AP2B1: variants seen among roughly 807,000 people sequenced by gnomAD.
The protein encoded by AP2B1 is adaptor related protein complex 2 subunit beta 1.
A neutral mutation model predicts 102.0 loss-of-function variants in AP2B1; 23 were observed. The ratio of observed to expected loss-of-function variants is 0.23; its 90% CI spans 0.16 to 0.32. The LOEUF is 0.32. Among genes scored for constraint, AP2B1 ranks in the 10% least tolerant of loss-of-function variants. The pLI, the probability that AP2B1 is intolerant of heterozygous loss-of-function variation, is 1.00. For synonymous variants in AP2B1, 381 were observed against 421.2 expected, an observed-to-expected ratio of 0.90 and a Z score of 1.17; for missense variants, 541 against 1,157.4, an observed-to-expected ratio of 0.47 and a Z score of 7.73.
intron 5 of AP2B1, among the ~76,000 whole-genome samples, chr17:35,612,880 GCACACA>G (rs55739970): frequency 0.1 from 14,348 of 143,884 alleles, 848 homozygotes; most frequent in Non-Finnish European, 0.13. Flanking sequence ...GTGTATGTGC[GCACACA>G]CACACACACA....
chr17:35,706,086 A>G (rs1356376917), intron 18 of AP2B1, among the ~76,000 whole-genome samples: 1 of 152,176 alleles, frequency 6.6e-6, no homozygotes, highest in African/African-American at 2.4e-5. Context: ...AGCTCCTCAG[A>G]AAATTGTTCT....
chr17:35,708,350 G>A (rs959223951), intron 18 of AP2B1, among the ~76,000 whole-genome samples: 3 of 152,042 alleles, frequency 2.0e-5, no homozygotes, highest in Non-Finnish European at 4.4e-5. Context: ...CAGTATAAGG[G>A]CCTTATGATG....
intron 18 of AP2B1, among the ~76,000 whole-genome samples, chr17:35,701,882 A>G (rs6505493): frequency 0.48 from 73,066 of 152,060 alleles, 17,624 homozygotes; most frequent in East Asian, 0.52. Flanking sequence ...TTGGTCTCCC[A>G]TAGTGCTGGG....
At chr17:35,708,363 C>T (rs991718742) in intron 18 of AP2B1, among the ~76,000 whole-genome samples, 1 of 152,010 alleles carries the variant, frequency 6.6e-6, no homozygotes, top group South Asian at 2.1e-4. Flanking sequence ...TTATGATGTG[C>T]TGCTGTGCAA....
intron 14 of AP2B1, among the ~76,000 whole-genome samples, chr17:35,664,733 A>G (rs1282063432): frequency 6.6e-6 from 1 of 152,234 alleles, no homozygotes; most frequent in Non-Finnish European, 1.5e-5. Flanking sequence ...CTTACGAAAC[A>G]GTCCTTGGAA....
At chr17:35,614,295 TCAAA>T (rs1380928280) in intron 5 of AP2B1, among the ~76,000 whole-genome samples, 3 of 152,174 alleles carry the variant, frequency 2.0e-5, no homozygotes, top group East Asian at 1.9e-4. Context: ...ACTCCTGGGC[TCAAA>T]CAGTCTTCCC....
chr17:35,634,817 C>T (rs2074560118), intron 9 of AP2B1, among the ~76,000 whole-genome samples: 2 of 152,164 alleles, frequency 1.3e-5, no homozygotes, highest in African/African-American at 4.8e-5. Context: ...GATTTCATTT[C>T]AGTAGGTTTA....
chr17:35,710,623 A>AG (rs587636393), intron 20 of AP2B1, among the ~76,000 whole-genome samples: 54 of 152,356 alleles, frequency 3.5e-4, no homozygotes, highest in African/African-American at 1.2e-3. Flanking sequence ...CAAAAACTGA[A>AG]GTGGCACTTG....
intron 1 of AP2B1, among the ~76,000 whole-genome samples, chr17:35,591,537 G>A (rs1347112189): frequency 1.2e-4 from 18 of 152,196 alleles, no homozygotes; most frequent in Admixed American, 1.1e-3. Context: ...AAATTCTAAG[G>A]AGGTTTTGTT....
intron 12 of AP2B1, among the ~76,000 whole-genome samples, chr17:35,646,447 C>T (rs1047823396): frequency 1.3e-5 from 2 of 151,996 alleles, no homozygotes; most frequent in Admixed American, 1.3e-4. Context: ...GATTTGCACT[C>T]ATTTCTCATA....
chr17:35,698,070 GA>G lies in AP2B1; in HGVS notation c.2455-11146del, dbSNP rs1027537095. On this transcript the variant is annotated intron_variant, in intron 18 of 21. Coordinates refer to ENST00000610402, the MANE Select transcript of AP2B1 (RefSeq NM_001030006.2). ...CAAAACAGTCTTTTGCCTTTAAATG[GA>G]AAAAAAAGTTTTTAAAAAAGGGTAG... Among the ~76,000 whole-genome samples, 6 of 151,920 alleles carry G rather than the reference GA, an allele frequency of 3.9e-5. No individual in the cohort carries two copies. The East Asian group carries it at 5.8e-4, about 15-fold the overall frequency.
intron 20 of AP2B1, among the ~76,000 whole-genome samples, chr17:35,711,478 C>A (rs1161859787): frequency 6.7e-6 from 1 of 148,626 alleles, no homozygotes; most frequent in Non-Finnish European, 1.5e-5. Context: ...CCACCCCACT[C>A]CCCGGCCCAA....
chr17:35,628,684 T>C (rs545212240), intron 9 of AP2B1, among the ~76,000 whole-genome samples: 27 of 152,332 alleles, frequency 1.8e-4, no homozygotes, highest in African/African-American at 5.5e-4. Context: ...AGACTTTTTC[T>C]GTTAACTATC....
chr17:35,688,155 A>C (rs2075973285), intron 18 of AP2B1, among the ~76,000 whole-genome samples: 1 of 152,080 alleles, frequency 6.6e-6, no homozygotes, highest in Admixed American at 6.5e-5. Context: ...TCTCCTACTC[A>C]GGATCTCCTG....
At chr17:35,607,717 T>C (rs1301548689) in intron 4 of AP2B1, 1 of 154,052 alleles carries the variant, frequency 6.5e-6, no homozygotes, top group Non-Finnish European at 1.4e-5. Flanking sequence ...CTAGCTCTCT[T>C]TTCTATTTGA....
chr17:35,690,677 A>C (rs1377018534), intron 18 of AP2B1, among the ~76,000 whole-genome samples: 1 of 152,164 alleles, frequency 6.6e-6, no homozygotes, highest in Non-Finnish European at 1.5e-5. Flanking sequence ...TACCAGTCCT[A>C]AGCCTTTGAG....
chr17:35,718,721 T>G (rs587757538), intron 21 of AP2B1, among the ~76,000 whole-genome samples: 1 of 151,986 alleles, frequency 6.6e-6, no homozygotes, highest in South Asian at 2.1e-4. Flanking sequence ...AATAACTCCA[T>G]TTACTCTCTA....
chr17:35,636,537 T>C (rs2074611474), intron 10 of AP2B1, 81 bp downstream of exon 10: 3 of 1,046,130 alleles, frequency 2.9e-6, no homozygotes, highest in Non-Finnish European at 4.4e-6. Context: ...TAGGTAAGAA[T>C]TACTCTTTTG....
intron 18 of AP2B1, among the ~76,000 whole-genome samples, chr17:35,705,037 A>C (rs28379178): frequency 1.3e-5 from 2 of 152,220 alleles, no homozygotes; most frequent in South Asian, 2.1e-4. Flanking sequence ...TCTCAAAAAA[A>C]GAAAAAAGAA....
Sources: gnomAD v4.1 joint callset for allele counts (sites outside exome capture counted in the v4.1 genomes callset) on GRCh38, gnomAD v4.1.1 for gene constraint, MANE v1.5 for transcripts, NCBI Gene and HGNC (gene_info 2026-07-23, HGNC 2026-07-21) for gene names.